Variants in MYO1E observed in about 807,000 individuals in gnomAD.
MYO1E encodes the protein myosin IE.
In MYO1E, 68 loss-of-function variants were observed where a neutral mutation model predicts 151.1. That is an observed-to-expected ratio of 0.45 (90% CI 0.37 to 0.55). The LOEUF (loss-of-function observed/expected upper bound fraction) is 0.55. Ranked by LOEUF, MYO1E falls within the 20% of genes least tolerant of loss-of-function variation. The pLI, the probability that MYO1E is intolerant of heterozygous loss-of-function variation, is 0.00. For synonymous variants in MYO1E, 601 were observed against 501.7 expected (o/e 1.20, Z -2.64); for missense variants, 1,363 against 1,389.3 (o/e 0.98, Z 0.30).
At chr15:59,206,621 T>A in intron 14 of MYO1E, 1 of 316,916 alleles carries the variant, frequency 3.2e-6, no homozygotes, top group Non-Finnish European at 5.8e-6. Flanking sequence ...GCATTCATAT[T>A]AAAAATAAAA....
intron 2 of MYO1E, among the ~76,000 whole-genome samples, chr15:59,266,407 G>T (rs1337194697): frequency 1.3e-5 from 2 of 152,150 alleles, no homozygotes; most frequent in African/African-American, 4.8e-5. Flanking sequence ...GGAGACAGAA[G>T]AAACCCAAGA....
At chr15:59,307,138 T>C (rs1228932718) in intron 1 of MYO1E, among the ~76,000 whole-genome samples, 2 of 152,212 alleles carry the variant, frequency 1.3e-5, no homozygotes, top group Non-Finnish European at 2.9e-5. Flanking sequence ...CATTTCCAGC[T>C]TTTATTTAAC....
chr15:59,224,953 C>T (rs1352160491), intron 7 of MYO1E, 130 bp from the exon 8 acceptor site: 4 of 1,247,450 alleles, frequency 3.2e-6, no homozygotes, highest in African/African-American at 3.0e-5. Context: ...CAGTCCTGGC[C>T]CCCAAATATG....
intron 4 of MYO1E, among the ~76,000 whole-genome samples, chr15:59,254,606 T>C (rs193188399): frequency 6.6e-6 from 1 of 152,278 alleles, no homozygotes; most frequent in Admixed American, 6.5e-5. Context: ...AAATGGATAA[T>C]AGATATACAG....
At chr15:59,290,507 G>C (rs578147815) in intron 1 of MYO1E, among the ~76,000 whole-genome samples, 2 of 152,282 alleles carry the variant, frequency 1.3e-5, no homozygotes, top group African/African-American at 4.8e-5. Context: ...CCTCTGCCTT[G>C]TCTCCTTGAA....
chr15:59,256,988 G>A (rs576965551), intron 3 of MYO1E, among the ~76,000 whole-genome samples: 1 of 150,954 alleles, frequency 6.6e-6, no homozygotes, highest in African/African-American at 2.4e-5. Flanking sequence ...ATCTCTATTG[G>A]AAAAAAAAAT....
intron 1 of MYO1E, among the ~76,000 whole-genome samples, chr15:59,371,432 T>C (rs2080943744): frequency 1.5e-5 from 1 of 66,206 alleles, no homozygotes; most frequent in South Asian, 6.7e-4. Context: ...AGCCTTGTAA[T>C]AGATTTTTTT....
In MYO1E at chr15:59,287,873, C is replaced by G. The variant is rs567029256; in HGVS notation, c.4-15424G>C. Among the ~76,000 whole-genome samples, 126 of 152,310 alleles carry G rather than the reference C, an allele frequency of 8.3e-4. 3 individuals are homozygous for G. The highest frequency in any genetic ancestry group is 3.4e-3 in the Middle Eastern group (1 of 294). On this transcript the variant is annotated intron_variant, in intron 1 of 27. Coordinates refer to ENST00000288235, the MANE Select transcript of MYO1E (RefSeq NM_004998.4). Reference sequence around the variant, plus strand: ...GACTCTGGCCACCTGCAACCCTCAACTAGAAGGAGTGGATCAGAAAATGCG... The same window carrying G: ...GACTCTGGCCACCTGCAACCCTCAAGTAGAAGGAGTGGATCAGAAAATGCG...
chr15:59,188,346 G>T lies in MYO1E; in HGVS notation c.1806-130C>A, dbSNP rs539074539. On this transcript the variant is annotated intron_variant, in intron 17 of 27. Transcript: ENST00000288235. ...TATTCAGAAGACTACAATTTATAGTGTTCAAACACTGAGCTGACCTCTCAG... is the reference window on the plus strand; with the variant it reads ...TATTCAGAAGACTACAATTTATAGTTTTCAAACACTGAGCTGACCTCTCAG... 1.7e-4 allele frequency: 131 copies of T among 749,062 alleles called. 3 individuals carry two copies. In the South Asian group the frequency reaches 1.8e-3, roughly 10 times the overall value. The allele number at this position is 749,062 out of a possible 1,614,324, so 46.4% of individuals were successfully genotyped here.
chr15:59,173,734 G>A lies in MYO1E; in HGVS notation c.2334+12C>T. 6.2e-7 allele frequency: 1 copy of A among 1,614,006 alleles called. No homozygotes were observed. The highest frequency in any genetic ancestry group is 1.1e-5 in the South Asian group (1 of 91,068). On this transcript the variant is annotated intron_variant, in intron 21 of 27. Transcript: ENST00000288235. ...TGTTTGGTGATCTCAGAGGCAGGCA[G>A]TTAGCACGTACCTTGAACCTCCTGT...
At chr15:59,317,168 G>T (rs1236338040) in intron 1 of MYO1E, among the ~76,000 whole-genome samples, 1 of 152,174 alleles carries the variant, frequency 6.6e-6, no homozygotes, top group Non-Finnish European at 1.5e-5. Context: ...TAATGGTCCA[G>T]ATACTTTGCT....
intron 1 of MYO1E, among the ~76,000 whole-genome samples, chr15:59,340,417 T>C (rs746895138): frequency 1.2e-4 from 19 of 152,128 alleles, no homozygotes; most frequent in South Asian, 2.1e-4. Flanking sequence ...ATGTGCTGTG[T>C]TTTTGTTTTA....
rs141485371 is a variant in MYO1E, at chr15:59,195,431, G to A, written c.1805+30C>T. The A allele has an allele frequency of 2.6e-3, 4,119 of 1,571,936 alleles. 79 individuals are homozygous for A. The African/African-American group carries it at 0.036, about 14-fold the overall frequency. On this transcript the variant is annotated intron_variant, in intron 17 of 27. Transcript: ENST00000288235. Reference sequence around the variant, plus strand: ...TCTTGAGCAGAGGGAAAAAGGTCCCGGCCCCACCTAAGCCGGTTTCCCCCG... The same window carrying A: ...TCTTGAGCAGAGGGAAAAAGGTCCCAGCCCCACCTAAGCCGGTTTCCCCCG...
intron 4 of MYO1E, among the ~76,000 whole-genome samples, chr15:59,248,875 G>A (rs537343913): frequency 1.3e-5 from 2 of 152,268 alleles, no homozygotes; most frequent in South Asian, 2.1e-4. Flanking sequence ...CAGCGTTCTC[G>A]TGGTAATCTA....
intron 19 of MYO1E, among the ~76,000 whole-genome samples, 193 bp from the exon 20 acceptor site, chr15:59,174,433 CT>C (rs1404245621): frequency 6.6e-6 from 1 of 152,138 alleles, no homozygotes; most frequent in Non-Finnish European, 1.5e-5. Flanking sequence ...TGACCTATAC[CT>C]TTTTTTCTTT....
chr15:59,308,128 C>T (rs746027589), intron 1 of MYO1E, among the ~76,000 whole-genome samples: 33 of 144,540 alleles, frequency 2.3e-4, no homozygotes, highest in Non-Finnish European at 4.6e-4. Flanking sequence ...GAGGCTGAGG[C>T]ATGAGAATCA....
intron 2 of MYO1E, among the ~76,000 whole-genome samples, chr15:59,267,493 T>A (rs2080263389): frequency 2.0e-5 from 3 of 152,220 alleles, no homozygotes; most frequent in Admixed American, 1.3e-4. Context: ...CAGCCCGGCA[T>A]CTGTCTTGCT....
At chr15:59,182,480 T>C (rs2079669619) in intron 18 of MYO1E, among the ~76,000 whole-genome samples, 1 of 152,174 alleles carries the variant, frequency 6.6e-6, no homozygotes, top group African/African-American at 2.4e-5. Context: ...CCCAAAGTGC[T>C]GCGATTATAG....
intron 7 of MYO1E, among the ~76,000 whole-genome samples, chr15:59,225,964 A>G (rs1303271120): frequency 2.0e-5 from 3 of 152,148 alleles, no homozygotes; most frequent in Non-Finnish European, 2.9e-5. Context: ...CTTTCATGTC[A>G]GAATCTTGAA....
Sources: allele counts gnomAD v4.1 joint callset (sites outside exome capture counted in the v4.1 genomes callset), GRCh38; gene constraint gnomAD v4.1.1; transcripts MANE v1.5; gene names NCBI Gene and HGNC (gene_info 2026-07-23, HGNC 2026-07-21).